ANK3: variants seen among roughly 807,000 people sequenced by gnomAD.
ANK3 encodes ankyrin 3, also known as ankyrin-3.
In ANK3, 57 loss-of-function variants were observed where a neutral mutation model predicts 370.9. The ratio of observed to expected loss-of-function variants is 0.15; its 90% CI spans 0.12 to 0.19. ANK3 has a LOEUF of 0.19. Ranked by LOEUF, ANK3 falls within the 10% of genes least tolerant of loss-of-function variation. The probability of loss-of-function intolerance (pLI) is 1.00; values close to 1 mark genes in which losing one functional copy is unlikely to be tolerated. For synonymous variants in ANK3, 1,929 were observed against 1,946.3 expected (o/e 0.99, Z 0.23); for missense variants, 4,439 against 5,302.1 (o/e 0.84, Z 5.06).
At chr10:60,293,807 A>G (rs2132765589) in intron 1 of ANK3, among the ~76,000 whole-genome samples, 2 of 152,348 alleles carry the variant, frequency 1.3e-5, no homozygotes, top group South Asian at 4.1e-4. Flanking sequence ...ACCACAACAC[A>G]AACTGCTGAG....
chr10:60,573,070 G>T, intron 2 of ANK3: 1 of 903,010 alleles, frequency 1.1e-6, no homozygotes, highest in Non-Finnish European at 1.3e-6. Context: ...CACATGTGTT[G>T]AATGCATCAG....
chr10:60,673,453 C>T (rs1301861891), intron 1 of ANK3, among the ~76,000 whole-genome samples: 2 of 152,098 alleles, frequency 1.3e-5, no homozygotes, highest in African/African-American at 2.4e-5. Context: ...CAGGTTCAAA[C>T]TATTCTCCTG....
At chr10:60,405,484 G>A (rs887179316) in intron 2 of ANK3, among the ~76,000 whole-genome samples, 2 of 152,138 alleles carry the variant, frequency 1.3e-5, no homozygotes, top group Non-Finnish European at 2.9e-5. Flanking sequence ...GTTGCTTCTG[G>A]GAGTGGAGTG....
At chr10:60,058,677 A>C (rs2079697646) in intron 41 of ANK3, among the ~76,000 whole-genome samples, 1 of 152,210 alleles carries the variant, frequency 6.6e-6, no homozygotes, top group Non-Finnish European at 1.5e-5. Flanking sequence ...AAGTTTTAAT[A>C]ATGAGCATAT....
At chr10:60,368,983 A>C (rs1271991502) in intron 1 of ANK3, among the ~76,000 whole-genome samples, 1 of 152,190 alleles carries the variant, frequency 6.6e-6, no homozygotes, top group Non-Finnish European at 1.5e-5. Context: ...GGCTGATGAA[A>C]GGTTCTACAT....
intron 2 of ANK3, among the ~76,000 whole-genome samples, chr10:60,489,475 T>G (rs12245898): frequency 0.01 from 1,579 of 152,236 alleles, 26 homozygotes; most frequent in African/African-American, 0.036. Context: ...CAGAAAAATA[T>G]AGAAAAATTA....
At chr10:60,195,168 A>C (rs571846311) in intron 16 of ANK3, among the ~76,000 whole-genome samples, 2 of 149,766 alleles carry the variant, frequency 1.3e-5, no homozygotes, top group South Asian at 4.3e-4. Context: ...TGGGTGGATC[A>C]CAAGGTCAGG....
chr10:60,627,990 C>T (rs144943588), intron 1 of ANK3, among the ~76,000 whole-genome samples: 2 of 152,264 alleles, frequency 1.3e-5, no homozygotes, highest in African/African-American at 4.8e-5. Context: ...TTCATGCTTT[C>T]AAGCAGGACA....
intron 2 of ANK3, among the ~76,000 whole-genome samples, chr10:60,528,290 C>G (rs1001525795): frequency 3.3e-5 from 5 of 151,818 alleles, no homozygotes; most frequent in African/African-American, 4.8e-5. Flanking sequence ...GCATACACCA[C>G]CATACCTGGC....
intron 1 of ANK3, among the ~76,000 whole-genome samples, chr10:60,299,133 A>T (rs963922839): frequency 2.0e-5 from 3 of 152,156 alleles, no homozygotes; most frequent in African/African-American, 7.2e-5. Flanking sequence ...GATTACCCTT[A>T]AAAACTCTTT....
chr10:60,567,943 C>G (rs754682941), intron 2 of ANK3, among the ~76,000 whole-genome samples: 6 of 152,114 alleles, frequency 3.9e-5, no homozygotes, highest in Non-Finnish European at 8.8e-5. Flanking sequence ...AACTAGAAAC[C>G]TGAAGACATG....
intron 1 of ANK3, among the ~76,000 whole-genome samples, chr10:60,667,299 C>T (rs1476357363): frequency 1.3e-5 from 2 of 150,424 alleles, no homozygotes; most frequent in Non-Finnish European, 3.0e-5. Flanking sequence ...AAAAGAATCC[C>T]CCATTTCCTA....
chr10:60,342,670 C>A (rs2132987293), intron 1 of ANK3, among the ~76,000 whole-genome samples: 1 of 152,212 alleles, frequency 6.6e-6, no homozygotes, highest in East Asian at 1.9e-4. Flanking sequence ...CAGTGGTTCA[C>A]TAAGTCTGAG....
intron 1 of ANK3, among the ~76,000 whole-genome samples, chr10:60,374,069 C>G (rs934833470): frequency 3.9e-5 from 6 of 151,976 alleles, no homozygotes; most frequent in African/African-American, 1.4e-4. Flanking sequence ...TAGTCCTGCC[C>G]AAGTGCTCCT....
At chr10:60,499,547 A>G (rs375086928) in intron 2 of ANK3, among the ~76,000 whole-genome samples, 2 of 152,240 alleles carry the variant, frequency 1.3e-5, no homozygotes, top group Non-Finnish European at 2.9e-5. Flanking sequence ...ATTTCTGTCC[A>G]GATTAAAATG....
intron 1 of ANK3, among the ~76,000 whole-genome samples, chr10:60,725,807 A>G (rs1344093710): frequency 2.6e-5 from 4 of 152,118 alleles, no homozygotes; most frequent in Non-Finnish European, 5.9e-5. Context: ...TCCCAGCCCC[A>G]AAAAGAAAGG....
intron 12 of ANK3, among the ~76,000 whole-genome samples, chr10:60,201,397 T>C (rs1364427313): frequency 2.0e-5 from 3 of 152,212 alleles, no homozygotes; most frequent in African/African-American, 7.2e-5. Context: ...GGATGGTGCT[T>C]GTTTTATTGT....
intron 2 of ANK3, among the ~76,000 whole-genome samples, chr10:60,415,999 T>G (rs2063660388): frequency 7.2e-6 from 1 of 139,832 alleles, no homozygotes; most frequent in Admixed American, 7.7e-5. Flanking sequence ...TGGAAGGTGA[T>G]TAAGTCATGA....
At chr10:60,322,495 C>CA (rs569116866) in intron 1 of ANK3, among the ~76,000 whole-genome samples, 6,585 of 144,698 alleles carry the variant, frequency 0.046, 369 homozygotes, top group African/African-American at 0.14. Context: ...AATATATTGT[C>CA]AAAAAAAAAA....
Sources: gnomAD v4.1 joint callset for allele counts (sites outside exome capture counted in the v4.1 genomes callset) on GRCh38, gnomAD v4.1.1 for gene constraint, MANE v1.5 for transcripts, NCBI Gene and HGNC (gene_info 2026-07-23, HGNC 2026-07-21) for gene names.